Variants in ULBP3 observed in about 807,000 individuals in gnomAD.
The protein encoded by ULBP3 is UL16-binding protein 3.
Under a neutral mutation model 24.9 loss-of-function variants are expected in ULBP3, and 25 were observed. The ratio of observed to expected loss-of-function variants is 1.00; its 90% CI spans 0.73 to 1.40. ULBP3 has a LOEUF of 1.40. Among genes scored for constraint, ULBP3 ranks in the 40% most tolerant of loss-of-function variants. The pLI, the probability that ULBP3 is intolerant of heterozygous loss-of-function variation, is 0.00. For missense variants in ULBP3, 306 were observed against 307.5 expected (o/e 1.00, Z 0.04); for synonymous variants, 114 against 114.7 (o/e 0.99, Z 0.04).
At chr6:150,064,501 G>T in intron 4 of ULBP3, 84 bp downstream of exon 4, 1 of 1,253,652 alleles carries the variant, frequency 8.0e-7, no homozygotes, top group Non-Finnish European at 1.2e-6. Context: ...CATGGGGAGA[G>T]GTGGGACTCT....
Position 150,063,357 on chromosome 6 carries a change from G to A in ULBP3, c.*23-6C>T. The A allele has an allele frequency of 1.0e-6, 1 of 979,092 alleles. No homozygotes were observed. The highest frequency in any genetic ancestry group is 1.2e-6 in the Non-Finnish European group (1 of 824,138). The allele number at this position is 979,092 out of a possible 1,614,324, so 60.7% of individuals were successfully genotyped here. On this transcript the variant is annotated splice_region_variant and splice_polypyrimidine_tract_variant and intron_variant, in intron 4 of 4. Coordinates refer to ENST00000367339, the MANE Select transcript of ULBP3 (RefSeq NM_024518.3). ...TTCTTGATATCACCTTCCACCTTGA[G>A]GAAAGATGAAGCATTGGTTTAAGTG...
chr6:150,065,344 G>A, intron 3 of ULBP3, 54 bp downstream of exon 3: 8 of 1,600,992 alleles, frequency 5.0e-6, no homozygotes, highest in Non-Finnish European at 6.8e-6. Flanking sequence ...TGACAGACAA[G>A]GGTGTAACTC....
At chr6:150,065,042 C>T (rs1776325159) in intron 3 of ULBP3, among the ~76,000 whole-genome samples, 1 of 151,978 alleles carries the variant, frequency 6.6e-6, no homozygotes, top group South Asian at 2.1e-4. Flanking sequence ...CAGAAACAAA[C>T]CAAGGGAGAG....
rs1776351215 is a variant in ULBP3, at chr6:150,066,638, C to T, written c.89-476G>A. Among the ~76,000 whole-genome samples, 4 of 152,088 alleles carry T rather than the reference C, an allele frequency of 2.6e-5. No homozygotes were observed. The South Asian group carries it at 8.3e-4, about 32-fold the overall frequency. On this transcript the variant is annotated intron_variant, in intron 1 of 4. Transcript: ENST00000367339. ...TTGGAACCTTGGAAAAAGGAATGACCCACACCGCATGAAACAGAAAACCCA... is the reference window on the plus strand; with the variant it reads ...TTGGAACCTTGGAAAAAGGAATGACTCACACCGCATGAAACAGAAAACCCA...
At chr6:150,064,386 T>C (rs1217021438) in intron 4 of ULBP3, among the ~76,000 whole-genome samples, 199 bp downstream of exon 4, 1 of 152,134 alleles carries the variant, frequency 6.6e-6, no homozygotes, top group Admixed American at 6.5e-5. Flanking sequence ...CTGGCCCTGA[T>C]GGTGAGAATC....
chr6:150,066,219 C>T, intron 1 of ULBP3, 57 bp from the exon 2 acceptor site: 2 of 1,562,122 alleles, frequency 1.3e-6, no homozygotes. Context: ...AGACCCCAAA[C>T]ACTGTGACAG....
rs371776868 is a variant in ULBP3, at chr6:150,065,494, C to T, written c.532G>A (p.Gly178Arg). 1.7e-5 allele frequency: 28 copies of T among 1,614,062 alleles called. No homozygotes were observed. Among genetic ancestry groups the T allele is most frequent in the South Asian group, 7.7e-5 (7 of 91,088 alleles). ...RMKEKWEKDS[G>R]LTTFFKMVSM... Reference sequence around the variant, plus strand: ...ACCATCTTGAAGAAGGTGGTCAGTCCGCTATCCTTCTCCCACTTCTCTTTC... The same window carrying T: ...ACCATCTTGAAGAAGGTGGTCAGTCTGCTATCCTTCTCCCACTTCTCTTTC... The change falls in exon 3 of 5, where the codon GGA (glycine) becomes AGA (arginine). Residue 178 changes from glycine to arginine, a missense_variant. Gly to Arg is a moderately radical substitution (Grantham distance 125, BLOSUM62 -2). Coordinates refer to ENST00000367339, the MANE Select transcript of ULBP3 (RefSeq NM_024518.3).
intron 4 of ULBP3, among the ~76,000 whole-genome samples, chr6:150,064,357 T>C (rs1776315572): frequency 6.6e-6 from 1 of 152,194 alleles, no homozygotes; most frequent in African/African-American, 2.4e-5. Flanking sequence ...AGCCTTGATA[T>C]GGGTCCCTCC....
intron 3 of ULBP3, 50 bp from the exon 4 acceptor site, chr6:150,064,763 A>T (rs1776321393): frequency 1.3e-6 from 2 of 1,591,372 alleles, no homozygotes; most frequent in Admixed American, 1.7e-5. Context: ...TCCAAATCTG[A>T]GGAGATGGCT....
At chr6:150,066,948 G>T (rs1776355983) in intron 1 of ULBP3, among the ~76,000 whole-genome samples, 1 of 152,060 alleles carries the variant, frequency 6.6e-6, no homozygotes, top group Non-Finnish European at 1.5e-5. Context: ...TGAAATAAGA[G>T]ATCTCAAGTG....
intron 4 of ULBP3, among the ~76,000 whole-genome samples, chr6:150,063,863 G>T (rs1322639859): frequency 3.3e-5 from 5 of 152,214 alleles, no homozygotes; most frequent in Non-Finnish European, 7.3e-5. Flanking sequence ...CAGCTCAGCT[G>T]CCCTAGCTGA....
Position 150,069,102 on chromosome 6 carries a change from C to A in ULBP3, c.-36G>T. 1 of 1,596,918 alleles carries A rather than the reference C, an allele frequency of 6.3e-7. No homozygotes were observed. The highest frequency in any genetic ancestry group is 8.5e-7 in the Non-Finnish European group (1 of 1,171,592). On this transcript the variant is annotated 5_prime_UTR_variant, in exon 1 of 5. Transcript: ENST00000367339. ...GAGCGCCCGGGACACAAGGCGCAGT[C>A]GATGTGGAGACCAGCGTATGAATCA...
At chr6:150,068,781 C>T (rs190136805) in intron 1 of ULBP3, among the ~76,000 whole-genome samples, 198 bp downstream of exon 1, 1 of 152,226 alleles carries the variant, frequency 6.6e-6, no homozygotes, top group African/African-American at 2.4e-5. Context: ...TTTGACCCCC[C>T]TCCTGCTCTG....
In ULBP3 at chr6:150,069,076, G is replaced by GGATA; in HGVS notation, c.-11_-10insTATC. On this transcript the variant is annotated 5_prime_UTR_variant, in exon 1 of 5. Coordinates refer to ENST00000367339, the MANE Select transcript of ULBP3 (RefSeq NM_024518.3). ...TGGCGGCCGCTGCCATTGTAGACCA[G>GGATA]GAGCGCCCGGGACACAAGGCGCAGT... is the stretch of plus-strand genomic sequence containing the variant. 1.2e-6 allele frequency: 2 copies of GGATA among 1,609,142 alleles called. No individual in the cohort carries two copies. The highest frequency in any genetic ancestry group is 1.7e-6 in the Non-Finnish European group (2 of 1,178,062).
At position 150,064,447 on chromosome 6, in the gene ULBP3, A is replaced by C. The variant is rs183994204; in HGVS notation, c.*22+138T>G. Reference sequence around the variant, plus strand: ...CAGGTCATTGCAAACAGGCGACACCAGGTCTCATTCACCTGTCTCATGTCA... The same window carrying C: ...CAGGTCATTGCAAACAGGCGACACCCGGTCTCATTCACCTGTCTCATGTCA... On this transcript the variant is annotated intron_variant, in intron 4 of 4. Transcript: ENST00000367339. The C allele has an allele frequency of 2.1e-3, 1,535 of 746,570 alleles. 5 individuals carry two copies. Among genetic ancestry groups the C allele is most frequent in the Non-Finnish European group, 3.0e-3 (1,309 of 430,916 alleles). 46.2% of individuals were successfully genotyped at this position (746,570 alleles called of 1,614,324 possible). A position where few individuals can be genotyped will look rare whatever the true frequency, so the allele number is the denominator to read the frequency against.
rs544958302 is a variant in ULBP3, at chr6:150,068,989, C to A, written c.78G>T (p.Thr26=). Residue 26 remains threonine, a synonymous_variant, in exon 1 of 5, where the codon ACG becomes ACT. Transcript: ENST00000367339. ...CATCCCCGAACTCACCGGCCCGCCCCGTCCCGGACCAGTCGAATAGCAGGT... is the reference window on the plus strand; with the variant it reads ...CATCCCCGAACTCACCGGCCCGCCCAGTCCCGGACCAGTCGAATAGCAGGT... ...LPYLLFDWSG[T]GRADAHSLWY... is the part of the protein sequence containing the mutation. 4.2e-5 allele frequency: 67 copies of A among 1,609,620 alleles called. No individual in the cohort carries two copies. Among genetic ancestry groups the A allele is most frequent in the Non-Finnish European group, 5.2e-5 (61 of 1,177,518 alleles).
intron 3 of ULBP3, 57 bp from the exon 4 acceptor site, chr6:150,064,770 G>T (rs1776321475): frequency 8.3e-6 from 13 of 1,558,248 alleles, no homozygotes; most frequent in Non-Finnish European, 1.1e-5. Flanking sequence ...CTGAGGAGAT[G>T]GCTCCTTAGC....
At chr6:150,066,986 G>A (rs1330662014) in intron 1 of ULBP3, among the ~76,000 whole-genome samples, 1 of 152,088 alleles carries the variant, frequency 6.6e-6, no homozygotes, top group Non-Finnish European at 1.5e-5. Context: ...GCAGGAAGGA[G>A]GGTGCAATGA....
rs1467789249 is a variant in ULBP3, at chr6:150,065,978, T to C, written c.273A>G (p.Gln91=). 6 of 1,614,082 alleles carry C rather than the reference T, an allele frequency of 3.7e-6. No individual in the cohort carries two copies. The highest frequency in any genetic ancestry group is 4.2e-6 in the Non-Finnish European group (5 of 1,180,036). Residue 91 remains glutamine (Q), a synonymous_variant, in exon 2 of 5, where the codon CAA becomes CAG. Coordinates refer to ENST00000367339, the MANE Select transcript of ULBP3 (RefSeq NM_024518.3). ...GCCCCACCTCTCTCAGCATTTCCAGTTGTTTTCCCCAGGCATCTGTGGCAT... is the reference window on the plus strand; with the variant it reads ...GCCCCACCTCTCTCAGCATTTCCAGCTGTTTTCCCCAGGCATCTGTGGCAT... ...QLYATDAWGK[Q]LEMLREVGQR... is the part of the protein sequence containing the mutation.
Sources: allele counts gnomAD v4.1 joint callset (sites outside exome capture counted in the v4.1 genomes callset), GRCh38; gene constraint gnomAD v4.1.1; transcripts MANE v1.5; gene names NCBI Gene and HGNC (gene_info 2026-07-23, HGNC 2026-07-21).